Variants in RAD50 observed in about 807,000 individuals in gnomAD.
RAD50 encodes RAD50 double strand break repair protein, also known as DNA repair protein RAD50.
RAD50 carries 132 observed loss-of-function variants against 168.8 expected under a neutral mutation model. That is an observed-to-expected ratio of 0.78 (90% CI 0.68 to 0.90). RAD50 has a LOEUF of 0.90. Among genes scored for constraint, RAD50 ranks in the 40% least tolerant of loss-of-function variants. RAD50 has a pLI of 0.00. For synonymous variants in RAD50, 525 were observed against 497.4 expected (o/e 1.06, Z -0.74); for missense variants, 1,347 against 1,534.4 (o/e 0.88, Z 2.04).
intron 5 of RAD50, among the ~76,000 whole-genome samples, chr5:132,585,944 T>C (rs558652047): frequency 1.3e-5 from 2 of 152,344 alleles, no homozygotes; most frequent in African/African-American, 4.8e-5. Flanking sequence ...ATATTGGTTT[T>C]GCAGATATTT....
At chr5:132,614,129 T>A (rs974520067) in intron 19 of RAD50, among the ~76,000 whole-genome samples, 3 of 152,202 alleles carry the variant, frequency 2.0e-5, no homozygotes, top group Non-Finnish European at 4.4e-5. Context: ...AATGCCTAGC[T>A]GTCTGGTAAC....
intron 13 of RAD50, among the ~76,000 whole-genome samples, chr5:132,602,537 C>T (rs1216544769): frequency 6.6e-6 from 1 of 152,028 alleles, no homozygotes; most frequent in African/African-American, 2.4e-5. Flanking sequence ...TAGTGGCTGG[C>T]TTCCTTCCTT....
At chr5:132,604,626 C>G (rs181750498) in intron 15 of RAD50, among the ~76,000 whole-genome samples, 180 bp from the exon 16 acceptor site, 6 of 152,214 alleles carry the variant, frequency 3.9e-5, no homozygotes, top group Non-Finnish European at 1.5e-5. Flanking sequence ...GAGTGGCCAG[C>G]AGGGAACATC....
At chr5:132,624,383 G>T (rs6868365) in intron 21 of RAD50, among the ~76,000 whole-genome samples, 4,252 of 151,520 alleles carry the variant, frequency 0.028, 209 homozygotes, top group African/African-American at 0.098. Flanking sequence ...TTGTTTTTTG[G>T]TTTTTTTTGC....
chr5:132,609,067 A>G, intron 17 of RAD50, 50 bp from the exon 18 acceptor site: 2 of 1,602,770 alleles, frequency 1.2e-6, no homozygotes, highest in Non-Finnish European at 1.7e-6. Flanking sequence ...CTCTCCTGTT[A>G]TGTGCCCTTA....
At chr5:132,601,294 G>A (rs1308399212) in intron 13 of RAD50, among the ~76,000 whole-genome samples, 6 of 152,080 alleles carry the variant, frequency 3.9e-5, no homozygotes, top group Non-Finnish European at 5.9e-5. Context: ...CGTCACACCC[G>A]GCCAGAAAAC....
intron 3 of RAD50, among the ~76,000 whole-genome samples, 195 bp downstream of exon 3, chr5:132,576,123 T>A (rs187098008): frequency 2.2e-4 from 33 of 152,290 alleles, no homozygotes; most frequent in African/African-American, 6.7e-4. Context: ...ATTTTCTCCC[T>A]ACCCCCACGC....
At position 132,579,997 on chromosome 5, in the gene RAD50, T is replaced by G; in HGVS notation, c.687T>G (p.Ser229Arg). The G allele has an allele frequency of 6.2e-7, 1 of 1,612,786 alleles. No individual in the cohort carries two copies. Among genetic ancestry groups the G allele is most frequent in the South Asian group, 1.1e-5 (1 of 91,054 alleles). ...GTGAGATTCGTGATCAGATTACAAG[T>G]AAGGAAGCCCAGTTAACATCTTCAA... Reference protein sequence around the residue: ...KACEIRDQITSKEAQLTSSKE... With the variant: ...KACEIRDQITRKEAQLTSSKE... Residue 229 changes from serine to arginine, a missense_variant, in exon 5 of 25, where the codon AGT becomes AGG. Around this residue, in one of 3 missense-constraint regions of RAD50, gnomAD observed 703 missense variants for 767.7 expected, o/e 0.92. Transcript: ENST00000378823.
intron 9 of RAD50, among the ~76,000 whole-genome samples, chr5:132,590,257 G>A (rs1425558742): frequency 1.3e-5 from 2 of 152,148 alleles, no homozygotes; most frequent in African/African-American, 2.4e-5. Context: ...ATAACGTGAG[G>A]TCAGGAGTTC....
intron 21 of RAD50, among the ~76,000 whole-genome samples, chr5:132,636,163 A>G (rs1581019619): frequency 1.3e-5 from 2 of 152,292 alleles, no homozygotes; most frequent in South Asian, 4.2e-4. Context: ...GATCGCAGTA[A>G]TGTTTGCCTT....
At chr5:132,603,669 T>G (rs570811559) in intron 14 of RAD50, among the ~76,000 whole-genome samples, 180 bp downstream of exon 14, 1 of 152,354 alleles carries the variant, frequency 6.6e-6, no homozygotes, top group Admixed American at 6.5e-5. Context: ...GTTTAAACTT[T>G]TTAATTCATA....
At chr5:132,590,495 A>G (rs2706363) in intron 9 of RAD50, among the ~76,000 whole-genome samples, 183 of 152,284 alleles carry the variant, frequency 1.2e-3, no homozygotes, top group African/African-American at 4.0e-3. Flanking sequence ...AACACTTGCC[A>G]AAGTTTTAAA....
At chr5:132,558,565 G>T (rs989543917) in intron 1 of RAD50, among the ~76,000 whole-genome samples, 1 of 151,970 alleles carries the variant, frequency 6.6e-6, no homozygotes, top group African/African-American at 2.4e-5. Context: ...ACAAAAATTA[G>T]CCAGGCGTGG....
chr5:132,582,833 T>C (rs1037480040), intron 5 of RAD50, among the ~76,000 whole-genome samples: 3 of 152,198 alleles, frequency 2.0e-5, no homozygotes, highest in African/African-American at 4.8e-5. Context: ...TAGCTCCTTT[T>C]ACTAGGTGTG....
chr5:132,615,717 A>T lies in RAD50; in HGVS notation c.3037-286A>T, dbSNP rs572671241. On this transcript the variant is annotated intron_variant, in intron 19 of 24. Coordinates refer to ENST00000378823, the MANE Select transcript of RAD50 (RefSeq NM_005732.4). The stretch of plus-strand genomic sequence containing the variant: ...TACACAGATATATGCTCAAATCTTT[A>T]TGAGACTCCCCATCAAACAGTAGAC... Among the ~76,000 whole-genome samples, 62 of 152,324 alleles carry T rather than the reference A, an allele frequency of 4.1e-4. No homozygotes were observed. In the South Asian group the frequency reaches 7.7e-3, roughly 19 times the overall value.
At chr5:132,583,134 G>C (rs1750533992) in intron 5 of RAD50, among the ~76,000 whole-genome samples, 1 of 152,120 alleles carries the variant, frequency 6.6e-6, no homozygotes, top group Non-Finnish European at 1.5e-5. Context: ...CTACTCAAAA[G>C]GTATTTTCTG....
Position 132,616,264 on chromosome 5 carries a change from GT to G in RAD50, c.3164+138del, listed in dbSNP as rs1353240966. On this transcript the variant is annotated intron_variant, in intron 20 of 24. Coordinates refer to ENST00000378823, the MANE Select transcript of RAD50 (RefSeq NM_005732.4). The stretch of plus-strand genomic sequence containing the variant: ...TGAGAGTTACTAGAAGGTGAACAGT[GT>G]TTTGATACAATTATATTTCATGGCC... The G allele has an allele frequency of 1.4e-5, 12 of 836,654 alleles. No homozygotes were observed. The African/African-American group carries it at 2.1e-4, about 14-fold the overall frequency. The allele number at this position is 836,654 out of a possible 1,614,324, so 51.8% of individuals were successfully genotyped here. A position where few individuals can be genotyped will look rare whatever the true frequency, so the allele number is the denominator to read the frequency against.
chr5:132,616,122 A>G lies in RAD50; in HGVS notation c.3156A>G (p.Gln1052=), dbSNP rs2149853029. 2 of 1,612,738 alleles carry G rather than the reference A, an allele frequency of 1.2e-6. No homozygotes were observed. The highest frequency in any genetic ancestry group is 1.3e-5 in the African/African-American group (1 of 75,022). ...AAATGGGTCAAATGCAGGTTTTGCA[A>G]ATGAAAAGGTATGCTTTTAAAATAA... The part of the protein sequence containing the change: ...LKEMGQMQVL[Q]MKSEHQKLEE... Residue 1052 remains glutamine (Q), a synonymous_variant, in exon 20 of 25, where the codon CAA becomes CAG. Transcript: ENST00000378823.
At chr5:132,564,114 C>T (rs1027162392) in intron 2 of RAD50, among the ~76,000 whole-genome samples, 24 of 152,108 alleles carry the variant, frequency 1.6e-4, no homozygotes, top group African/African-American at 5.3e-4. Context: ...AAGTTGGTAC[C>T]GAGAGTAGGG....
Sources: gnomAD v4.1 joint callset for allele counts (sites outside exome capture counted in the v4.1 genomes callset) on GRCh38, gnomAD v4.1.1 for gene constraint, gnomAD v4.1.1 regional missense constraint, MANE v1.5 for transcripts, NCBI Gene and HGNC (gene_info 2026-07-23, HGNC 2026-07-21) for gene names.